Variants in CLN6 observed in about 807,000 individuals in gnomAD.
CLN6 encodes the protein CLN6 transmembrane ER protein, also known as ceroid-lipofuscinosis neuronal protein 6.
A neutral mutation model predicts 33.3 loss-of-function variants in CLN6; 22 were observed. The observed-to-expected ratio is 0.66, with a 90% confidence interval of 0.47 to 0.94. The LOEUF is 0.94. Among genes scored for constraint, CLN6 ranks in the 40% least tolerant of loss-of-function variants. The pLI is 0.00. For missense variants in CLN6, 387 were observed against 417.1 expected (o/e 0.93, Z 0.63); for synonymous variants, 201 against 174.6 (o/e 1.15, Z -1.19).
chr15:68,208,992 G>T lies in CLN6; in HGVS notation c.666-582C>A, dbSNP rs976157402. Among the ~76,000 whole-genome samples the T allele has an allele frequency of 1.3e-5, 2 of 152,192 alleles. No individual in the cohort carries two copies. Among genetic ancestry groups the T allele is most frequent in the Non-Finnish European group, 2.9e-5 (2 of 68,032 alleles). On this transcript the variant is annotated intron_variant, in intron 6 of 6. Coordinates refer to ENST00000249806, the MANE Select transcript of CLN6 (RefSeq NM_017882.3). The surrounding 1 kb of genome is among the most constrained non-coding windows in gnomAD (Gnocchi z 5.8). ...TCCCATCAGAGAAGGGTCCAGTCCT[G>T]CCCCGACCCTGTCCTTCCCATGATA...
At chr15:68,254,860 A>G (rs1892418009) in intron 1 of CLN6, 13 of 1,132,234 alleles carry the variant, frequency 1.1e-5, no homozygotes, top group South Asian at 8.6e-5. Context: ...AGATGCCCAA[A>G]CAGACCAGAC....
rs1431564803 is a variant in CLN6, at chr15:68,227,299, A to G, written c.83+2203T>C. Among the ~76,000 whole-genome samples, 1 of 152,194 alleles carries G rather than the reference A, an allele frequency of 6.6e-6. No homozygotes were observed. The highest frequency in any genetic ancestry group is 6.5e-5 in the Admixed American group (1 of 15,282). ...AGTGATCCACCCACCTTGGCCTCCC[A>G]AAGTGCTGGGATTACAGGCGTGAGC... On this transcript the variant is annotated intron_variant, in intron 1 of 6. Coordinates refer to ENST00000249806, the MANE Select transcript of CLN6 (RefSeq NM_017882.3). The surrounding 1 kb of genome is among the most constrained non-coding windows in gnomAD (Gnocchi z 4.1).
In CLN6 at chr15:68,256,720, G is replaced by C; in HGVS notation, c.149C>G (p.Ser50Trp). Residue 50 changes from serine (S) to tryptophan (W), a missense_variant, in exon 1 of 7, where the codon TCG (serine) becomes TGG (tryptophan). Transcript: ENST00000538696. This position sits in a 1 kb window ranked among gnomAD's most constrained non-coding sequence, Gnocchi z 4.1. Reference sequence around the variant, plus strand: ...ACCTTTGAATTTGAGTTTTCTCAGCGAAGTCTCACAGGACAATGGCGCCTG... The same window carrying C: ...ACCTTTGAATTTGAGTTTTCTCAGCCAAGTCTCACAGGACAATGGCGCCTG... The C allele has an allele frequency of 1.5e-6, 1 of 681,936 alleles. No homozygotes were observed. Among genetic ancestry groups the C allele is most frequent in the Non-Finnish European group, 2.7e-6 (1 of 375,530 alleles). 42.2% of individuals were successfully genotyped at this position (681,936 alleles called of 1,614,324 possible).
chr15:68,255,164 GA>G (rs376343197), intron 1 of CLN6, among the ~76,000 whole-genome samples: 2 of 152,306 alleles, frequency 1.3e-5, no homozygotes, highest in African/African-American at 4.8e-5. Flanking sequence ...CAGGAAGGGG[GA>G]TTCCCTGACT....
At chr15:68,243,680 A>G (rs376798369) in intron 1 of CLN6, among the ~76,000 whole-genome samples, 3 of 149,566 alleles carry the variant, frequency 2.0e-5, no homozygotes, top group African/African-American at 7.4e-5. Context: ...GCTTGAACCC[A>G]GGAGGCAGAG....
At chr15:68,230,208 G>A (rs1043402748), upstream of CLN6, among the ~76,000 whole-genome samples, 1 of 152,118 alleles carries the variant, frequency 6.6e-6, no homozygotes, top group Non-Finnish European at 1.5e-5. The surrounding 1 kb of genome is among the most constrained non-coding windows in gnomAD (Gnocchi z 4.0). Flanking sequence ...TCGTGTGAGA[G>A]GTATGGTGAC....
chr15:68,254,266 A>G (rs1892410003), intron 1 of CLN6, among the ~76,000 whole-genome samples: 1 of 152,214 alleles, frequency 6.6e-6, no homozygotes, highest in Non-Finnish European at 1.5e-5. Flanking sequence ...AGAGCACGAT[A>G]CGAAAGGGGC....
At position 68,220,030 on chromosome 15, in the gene CLN6, C is replaced by T. The variant is rs979921529; in HGVS notation, c.84-1380G>A. Among the ~76,000 whole-genome samples the T allele has an allele frequency of 3.9e-5, 6 of 152,212 alleles. No individual in the cohort carries two copies. Among genetic ancestry groups the T allele is most frequent in the Non-Finnish European group, 7.3e-5 (5 of 68,040 alleles). On this transcript the variant is annotated intron_variant, in intron 1 of 6. Coordinates refer to ENST00000249806, the MANE Select transcript of CLN6 (RefSeq NM_017882.3). This position sits in a 1 kb window ranked among gnomAD's most constrained non-coding sequence, Gnocchi z 4.2. ...CTGCAAAGACTGTCTTCTGTCGATA[C>T]TGCTGTTGCTTCCCTAATTTTCTGA...
rs2093202147 is a variant in CLN6, at chr15:68,210,578, T to C, written c.542+685A>G. On this transcript the variant is annotated intron_variant, in intron 5 of 6. Coordinates refer to ENST00000249806, the MANE Select transcript of CLN6 (RefSeq NM_017882.3). This position sits in a 1 kb window ranked among gnomAD's most constrained non-coding sequence, Gnocchi z 5.6. ...CCAGGGCTGGCCCTCACCTCCCAGC[T>C]GCAGCCTTCGGAGCCCTCCTCCCTC... Among the ~76,000 whole-genome samples the C allele has an allele frequency of 6.6e-6, 1 of 152,200 alleles. No individual in the cohort carries two copies. The highest frequency in any genetic ancestry group is 6.5e-5 in the Admixed American group (1 of 15,292).
intron 1 of CLN6, among the ~76,000 whole-genome samples, chr15:68,223,557 A>T (rs1358366920): frequency 2.6e-5 from 4 of 152,166 alleles, no homozygotes; most frequent in African/African-American, 9.7e-5. Flanking sequence ...AAACTTGGCA[A>T]AAAGTAGGAT....
At position 68,207,705 on chromosome 15, in the gene CLN6, G is replaced by C. The variant is rs147171499; in HGVS notation, c.*435C>G. ...TAATGTAGGGTCAGGGTGGGCCTGA[G>C]GGATGAGCCAGGTGGTGGGCAGGTG... is the stretch of plus-strand genomic sequence containing the variant. On this transcript the variant is annotated 3_prime_UTR_variant, in exon 7 of 7. Coordinates refer to ENST00000249806, the MANE Select transcript of CLN6 (RefSeq NM_017882.3). 46 of 287,340 alleles carry C rather than the reference G, an allele frequency of 1.6e-4. No individual in the cohort carries two copies. The highest frequency in any genetic ancestry group is 9.8e-4 in the African/African-American group (45 of 46,114). 17.8% of individuals were successfully genotyped at this position (287,340 alleles called of 1,614,324 possible).
intron 3 of CLN6, chr15:68,213,297 G>C (rs1391333420): frequency 6.6e-6 from 1 of 151,714 alleles, no homozygotes; most frequent in African/African-American, 2.4e-5. Flanking sequence ...GGAGTGCAAT[G>C]GCGTGATCTT....
chr15:68,229,370 G>C (rs899429409), intron 1 of CLN6, 132 bp downstream of exon 1: 3 of 613,684 alleles, frequency 4.9e-6, no homozygotes, highest in Non-Finnish European at 7.3e-6. Context: ...CAAGCCCCCC[G>C]CGCTCCGCTC....
Position 68,256,676 on chromosome 15 carries a change from G to A in CLN6, c.179+14C>T. 1.5e-6 allele frequency: 1 copy of A among 646,606 alleles called. No individual in the cohort carries two copies. Among genetic ancestry groups the A allele is most frequent in the South Asian group, 1.6e-5 (1 of 61,016 alleles). The allele number at this position is 646,606 out of a possible 1,614,324, so 40.1% of individuals were successfully genotyped here. A position where few individuals can be genotyped will look rare whatever the true frequency, so the allele number is the denominator to read the frequency against. ...CTTGGTTTAATGCGCTGCTCTCATTGCCTTGAAACTTACTTTTTACCTTTG... is the reference window on the plus strand; with the variant it reads ...CTTGGTTTAATGCGCTGCTCTCATTACCTTGAAACTTACTTTTTACCTTTG... On this transcript the variant is annotated intron_variant, in intron 1 of 6. Coordinates refer to the CLN6 transcript ENST00000538696. This position sits in a 1 kb window ranked among gnomAD's most constrained non-coding sequence, Gnocchi z 4.1.
rs1340375598 is a variant in CLN6 at position 68,235,620 on chromosome 15, ATATATATATATATC to A, written c.180-16984_180-16971del. Among the ~76,000 whole-genome samples, 121 of 135,512 alleles carry A rather than the reference ATATATATATATATC, an allele frequency of 8.9e-4. 1 individual carries two copies. The highest frequency in any genetic ancestry group is 3.2e-3 in the African/African-American group (110 of 33,954). 88.9% of individuals were successfully genotyped at this position (135,512 alleles called of 152,430 possible). ...TATATATATATATATATATATATAT[ATATATATATATATC>A]GATTAATCGATGGAATACATAGGGC... On this transcript the variant is annotated intron_variant, in intron 1 of 6. Coordinates refer to the CLN6 transcript ENST00000538696.
rs1011980608 is a variant in CLN6, at chr15:68,220,613, G to A, written c.84-1963C>T. Among the ~76,000 whole-genome samples, 2 of 152,324 alleles carry A rather than the reference G, an allele frequency of 1.3e-5. No individual in the cohort carries two copies. The highest frequency in any genetic ancestry group is 1.9e-4 in the East Asian group (1 of 5,192). On this transcript the variant is annotated intron_variant, in intron 1 of 6. Coordinates refer to ENST00000249806, the MANE Select transcript of CLN6 (RefSeq NM_017882.3). The surrounding 1 kb of genome is among the most constrained non-coding windows in gnomAD (Gnocchi z 4.2). Reference sequence around the variant, plus strand: ...ATCCAGGTAAGAATGAAGTAGCCTCGCAGAGAGGATCAGGGAAAGGGGGAG... The same window carrying A: ...ATCCAGGTAAGAATGAAGTAGCCTCACAGAGAGGATCAGGGAAAGGGGGAG...
In CLN6 at chr15:68,210,460, C is replaced by T. The variant is rs775470380; in HGVS notation, c.543-701G>A. ...GTCCAGGGACCCTGGACCAGCTGAG[C>T]CAGGAGGATTGACATCGCAGGGCCC... On this transcript the variant is annotated intron_variant, in intron 5 of 6. Coordinates refer to ENST00000249806, the MANE Select transcript of CLN6 (RefSeq NM_017882.3). This position sits in a 1 kb window ranked among gnomAD's most constrained non-coding sequence, Gnocchi z 5.6. 7.9e-5 allele frequency among the ~76,000 whole-genome samples: 12 copies of T among 152,170 alleles called. No homozygotes were observed. The highest frequency in any genetic ancestry group is 1.2e-4 in the Non-Finnish European group (8 of 68,030).
rs2093262571 is a variant in CLN6 at position 68,229,528 on chromosome 15, C to G, written c.57G>C (p.Gln19His). The G allele has an allele frequency of 1.4e-6, 2 of 1,466,912 alleles. No individual in the cohort carries two copies. The highest frequency in any genetic ancestry group is 1.8e-6 in the Non-Finnish European group (2 of 1,114,302). 90.9% of individuals were successfully genotyped at this position (1,466,912 alleles called of 1,614,324 possible). ...HLGATGGPGA[Q>H]LGASFLQARH... ...TGGCCTGCAGGAAGGAGGCGCCCAG[C>G]TGCGCGCCTGGGCCGCCCGTCGCTC... Residue 19 changes from glutamine to histidine, a missense_variant, in exon 1 of 7, where the codon CAG becomes CAC. By Grantham distance (24) the Gln-to-His change is conservative. Transcript: ENST00000249806.
In CLN6 at chr15:68,229,588, T is replaced by TGCCCCGCAG; in HGVS notation, c.-13_-5dup. ...GCCGCCTCCGCGTCGCCTCCATGGC[T>TGCCCCGCAG]GCCCCGCAGGCCCCTCGGCCCTGCC... On this transcript the variant is annotated 5_prime_UTR_variant, in exon 1 of 7. Transcript: ENST00000249806. 2.1e-6 allele frequency: 3 copies of TGCCCCGCAG among 1,463,314 alleles called. No individual in the cohort carries two copies. Among genetic ancestry groups the TGCCCCGCAG allele is most frequent in the Non-Finnish European group, 2.7e-6 (3 of 1,111,826 alleles). The allele number at this position is 1,463,314 out of a possible 1,614,324, so 90.6% of individuals were successfully genotyped here. A position where few individuals can be genotyped will look rare whatever the true frequency, so the allele number is the denominator to read the frequency against.
Sources: gnomAD v4.1 joint callset for allele counts (sites outside exome capture counted in the v4.1 genomes callset) on GRCh38, gnomAD v4.1.1 for gene constraint, Gnocchi (gnomAD v3.1) non-coding constraint, MANE v1.5 for transcripts, NCBI Gene and HGNC (gene_info 2026-07-23, HGNC 2026-07-21) for gene names.